ARK2N: variants seen among roughly 807,000 people sequenced by gnomAD.
The protein encoded by ARK2N is protein ARK2N.
the ARK2N span, among the ~76,000 whole-genome samples, chr18:46,248,709 G>T: frequency 6.6e-6 from 1 of 151,972 alleles, no homozygotes. Context: ...CTCAGCATCC[G>T]GAGTAGCAGG....
the ARK2N span, chr18:46,239,925 A>G: frequency 1.5e-6 from 2 of 1,329,300 alleles, no homozygotes; most frequent in South Asian, 1.3e-5. Context: ...GGCAACTGAC[A>G]TTAGAGGGCT....
the ARK2N span, among the ~76,000 whole-genome samples, chr18:46,190,776 A>C: frequency 0.029 from 4,349 of 152,212 alleles, 191 homozygotes; most frequent in African/African-American, 0.099. Context: ...TAAGAAGCAA[A>C]GGCCAAGGTA....
chr18:46,231,566 CTTTTTT>C, the ARK2N span, among the ~76,000 whole-genome samples: 6 of 100,780 alleles, frequency 6.0e-5, no homozygotes, highest in Non-Finnish European at 9.8e-5. Flanking sequence ...AGGTTTGGGG[CTTTTTT>C]TTTTTTTTTT....
At chr18:46,256,853 T>C in the ARK2N span, among the ~76,000 whole-genome samples, 7 of 152,208 alleles carry the variant, frequency 4.6e-5, no homozygotes, top group Non-Finnish European at 8.8e-5. Flanking sequence ...AGCTTCTGTA[T>C]CAGTAGCCTG....
At chr18:46,252,314 G>A in the ARK2N span, among the ~76,000 whole-genome samples, 911 of 151,576 alleles carry the variant, frequency 6.0e-3, 2 homozygotes, top group Non-Finnish European at 9.5e-3. Context: ...TCCCTCTGTC[G>A]CCTGGCTCCT....
the ARK2N span, chr18:46,266,711 G>T: frequency 6.5e-6 from 1 of 152,676 alleles, no homozygotes; most frequent in African/African-American, 2.4e-5. Flanking sequence ...TTGCTGGAGT[G>T]TGAGCGTGGA....
chr18:46,187,201 G>C, the ARK2N span, among the ~76,000 whole-genome samples: 1 of 149,370 alleles, frequency 6.7e-6, no homozygotes, highest in South Asian at 2.2e-4. Flanking sequence ...AGAATCGCTT[G>C]AACCCGGGAG....
At chr18:46,216,264 T>C in the ARK2N span, 1 of 1,613,762 alleles carries the variant, frequency 6.2e-7, no homozygotes, top group Non-Finnish European at 8.5e-7. The surrounding 1 kb of genome is among the most constrained non-coding windows in gnomAD (Gnocchi z 4.3). Context: ...AAGGAGACCC[T>C]TCAGGAGTGT....
chr18:46,193,726 G>A, the ARK2N span, among the ~76,000 whole-genome samples: 3 of 150,908 alleles, frequency 2.0e-5, no homozygotes, highest in African/African-American at 7.3e-5. Flanking sequence ...AGTCTCCTGA[G>A]TAGCTGGGAT....
chr18:46,258,205 C>T, the ARK2N span, among the ~76,000 whole-genome samples: 2 of 152,136 alleles, frequency 1.3e-5, no homozygotes, highest in African/African-American at 2.4e-5. Context: ...GGATTACAGG[C>T]GTGAGCCACC....
chr18:46,253,878 C>A, the ARK2N span: 2 of 1,515,744 alleles, frequency 1.3e-6, no homozygotes, highest in Non-Finnish European at 8.9e-7. Context: ...CTATTTTAAC[C>A]AGAAAACAAG....
the ARK2N span, among the ~76,000 whole-genome samples, chr18:46,228,200 GT>G: frequency 1.3e-5 from 2 of 152,062 alleles, no homozygotes; most frequent in African/African-American, 2.4e-5. Context: ...AAGTTTAGGT[GT>G]TTTCAGGGAA....
At chr18:46,187,569 C>G in the ARK2N span, among the ~76,000 whole-genome samples, 2 of 151,626 alleles carry the variant, frequency 1.3e-5, no homozygotes, top group Non-Finnish European at 2.9e-5. Flanking sequence ...CTTGAACTCC[C>G]TACCTCAGGT....
the ARK2N span, among the ~76,000 whole-genome samples, chr18:46,214,457 G>A: frequency 6.6e-6 from 1 of 152,164 alleles, no homozygotes; most frequent in African/African-American, 2.4e-5. Flanking sequence ...ACTTTAAATG[G>A]AACAAGATAC....
the ARK2N span, among the ~76,000 whole-genome samples, chr18:46,205,746 C>G: frequency 6.6e-6 from 1 of 152,110 alleles, no homozygotes; most frequent in Non-Finnish European, 1.5e-5. Flanking sequence ...GAGACAGGGT[C>G]TCATTCTGTT....
chr18:46,244,798 A>G, the ARK2N span, among the ~76,000 whole-genome samples: 1 of 151,404 alleles, frequency 6.6e-6, no homozygotes, highest in African/African-American at 2.4e-5. Flanking sequence ...GACAGGGTTT[A>G]CCATGTTGGC....
chr18:46,266,311 A>G, the ARK2N span: 1 of 152,622 alleles, frequency 6.6e-6, no homozygotes, highest in African/African-American at 2.4e-5. Flanking sequence ...TTAGTTTTAA[A>G]CTTTTTTAAG....
the ARK2N span, among the ~76,000 whole-genome samples, chr18:46,254,268 TTCA>T: frequency 1.3e-5 from 2 of 152,230 alleles, no homozygotes; most frequent in Admixed American, 1.3e-4. Context: ...CTCCTTGTCT[TTCA>T]TTAGAAGCAA....
At chr18:46,174,722 C>T in the ARK2N span, among the ~76,000 whole-genome samples, 2 of 152,150 alleles carry the variant, frequency 1.3e-5, no homozygotes, top group Non-Finnish European at 2.9e-5. Context: ...GAAGCGACTT[C>T]ACGGCCCTGG....
Sources: gnomAD v4.1 joint callset for allele counts (sites outside exome capture counted in the v4.1 genomes callset) on GRCh38, gnomAD v4.1.1 for gene constraint, Gnocchi (gnomAD v3.1) non-coding constraint, MANE v1.5 for transcripts, NCBI Gene and HGNC (gene_info 2026-07-23, HGNC 2026-07-21) for gene names.